The following HECW1 variants were observed in gnomAD, a reference collection of about 807,000 sequenced individuals.
The protein encoded by HECW1 is HECT, C2 and WW domain containing E3 ubiquitin protein ligase 1.
Under a neutral mutation model 182.3 loss-of-function variants are expected in HECW1, and 61 were observed. The observed-to-expected ratio is 0.33, with a 90% CI of 0.27 to 0.41. The LOEUF (loss-of-function observed/expected upper bound fraction) is 0.41, where lower values mean the gene tolerates loss of function less well. Ranked by LOEUF, HECW1 falls within the 10% of genes least tolerant of loss-of-function variation. The pLI, the probability that HECW1 is intolerant of heterozygous loss-of-function variation, is 1.00. For synonymous variants in HECW1, 859 were observed against 832.6 expected (o/e 1.03, Z -0.55); for missense variants, 1,739 against 2,108.9 (o/e 0.82, Z 3.44).
intron 26 of HECW1, among the ~76,000 whole-genome samples, chr7:43,549,056 G>A (rs1158496496): frequency 3.3e-5 from 5 of 152,276 alleles, no homozygotes; most frequent in East Asian, 1.9e-4. Flanking sequence ...GCCCAGATGC[G>A]TACAGCATCC....
At chr7:43,492,304 T>C (rs1160383409) in intron 18 of HECW1, 124 bp downstream of exon 18, 1 of 687,178 alleles carries the variant, frequency 1.5e-6, no homozygotes, top group Non-Finnish European at 2.5e-6. Flanking sequence ...CTTTCCTTTC[T>C]CCTCTTTTAG....
At chr7:43,213,439 A>ATTTCT (rs1796166140) in intron 2 of HECW1, among the ~76,000 whole-genome samples, 1 of 92,484 alleles carries the variant, frequency 1.1e-5, no homozygotes, top group Middle Eastern at 7.0e-3. Context: ...GATCATAAGA[A>ATTTCT]TTTTTTTTTT....
intron 13 of HECW1, among the ~76,000 whole-genome samples, chr7:43,459,652 C>G (rs936947873): frequency 2.0e-5 from 3 of 152,194 alleles, no homozygotes; most frequent in Admixed American, 2.0e-4. Context: ...ATTCTCCTAC[C>G]TCAGCCTCCC....
At chr7:43,389,458 G>T (rs1223177029) in intron 6 of HECW1, among the ~76,000 whole-genome samples, 2 of 152,172 alleles carry the variant, frequency 1.3e-5, no homozygotes, top group African/African-American at 2.4e-5. Context: ...TACAATGTAT[G>T]TCCTCACTTT....
intron 8 of HECW1, among the ~76,000 whole-genome samples, chr7:43,425,225 TCACA>T (rs61442575): frequency 8.1e-5 from 12 of 147,554 alleles, no homozygotes; most frequent in East Asian, 4.0e-4. Flanking sequence ...ACCAAGACAC[TCACA>T]CACACACACA....
At chr7:43,334,476 G>A (rs114774767) in intron 5 of HECW1, among the ~76,000 whole-genome samples, 9 of 152,124 alleles carry the variant, frequency 5.9e-5, no homozygotes, top group Admixed American at 3.3e-4. Context: ...TGAAAAATCC[G>A]CCAACACCCA....
chr7:43,545,689 T>C (rs989989418), intron 26 of HECW1, among the ~76,000 whole-genome samples: 2 of 152,166 alleles, frequency 1.3e-5, no homozygotes, highest in Admixed American at 6.5e-5. Flanking sequence ...GAGAACCTTA[T>C]TAAGAACATC....
intron 5 of HECW1, among the ~76,000 whole-genome samples, chr7:43,341,162 G>A (rs1172444954): frequency 1.3e-5 from 2 of 151,594 alleles, no homozygotes; most frequent in East Asian, 3.9e-4. Context: ...TCTGTCATAG[G>A]GTTGGGGGGC....
At chr7:43,275,670 C>G (rs980656188) in intron 3 of HECW1, among the ~76,000 whole-genome samples, 3 of 152,056 alleles carry the variant, frequency 2.0e-5, no homozygotes, top group Non-Finnish European at 4.4e-5. Context: ...TATCTTCCTC[C>G]ACTATTTACT....
intron 29 of HECW1, among the ~76,000 whole-genome samples, chr7:43,557,218 C>G (rs1298069478): frequency 2.0e-5 from 3 of 152,192 alleles, no homozygotes; most frequent in Non-Finnish European, 2.9e-5. Context: ...AAAGCAGACC[C>G]AGGGTGGCAT....
intron 16 of HECW1, among the ~76,000 whole-genome samples, chr7:43,478,662 G>T (rs1239702342): frequency 2.0e-5 from 3 of 151,834 alleles, no homozygotes; most frequent in African/African-American, 7.3e-5. Context: ...TGAATGTATA[G>T]AAAAGAAAAA....
At chr7:43,159,765 CTG>C (rs71533220) in intron 2 of HECW1, among the ~76,000 whole-genome samples, 2 of 101,798 alleles carry the variant, frequency 2.0e-5, no homozygotes, top group Non-Finnish European at 3.8e-5. Context: ...ACTGCAAGCT[CTG>C]CTCCCAGGTT....
rs2076988751 is a variant in HECW1, at chr7:43,444,680, A to G, written c.1508A>G (p.Glu503Gly). The G allele has an allele frequency of 6.2e-7, 1 of 1,606,298 alleles. No individual in the cohort carries two copies. Among genetic ancestry groups the G allele is most frequent in the South Asian group, 1.1e-5 (1 of 90,084 alleles). The change falls in exon 11 of 30, where the codon GAG becomes GGG. Residue 503 changes from glutamate (E) to glycine (G), a missense_variant. Glu to Gly is a moderately conservative substitution (Grantham distance 98). This residue lies in a region of HECW1 where 971 missense variants were observed against 1,029.1 expected (regional missense o/e 0.94). Transcript: ENST00000395891. This position sits in a 1 kb window ranked among gnomAD's most constrained non-coding sequence, Gnocchi z 4.3. ...TQSRAGREEE[E>G]KEQEEEGDVS... ...AGCCGGGCTGGAAGGGAAGAAGAGG[A>G]GAAGGAGCAGGAGGAGGAGGGAGAT...
chr7:43,349,240 A>G (rs973773941), intron 5 of HECW1, among the ~76,000 whole-genome samples: 3 of 151,938 alleles, frequency 2.0e-5, no homozygotes, highest in African/African-American at 7.3e-5. Flanking sequence ...CTCCATGTTG[A>G]TTAGGCCGGT....
chr7:43,493,226 A>AT, intron 19 of HECW1, 46 bp downstream of exon 19: 1 of 1,324,434 alleles, frequency 7.6e-7, no homozygotes, highest in South Asian at 1.2e-5. Context: ...CTTTCCAGCC[A>AT]TTTTTCCCGG....
chr7:43,317,057 A>G (rs937390371), intron 4 of HECW1, among the ~76,000 whole-genome samples: 11 of 151,992 alleles, frequency 7.2e-5, no homozygotes, highest in African/African-American at 2.7e-4. Context: ...ATAGGGATAA[A>G]TACTATAAGC....
At chr7:43,251,010 A>G (rs1280095818) in intron 3 of HECW1, among the ~76,000 whole-genome samples, 2 of 152,116 alleles carry the variant, frequency 1.3e-5, no homozygotes, top group African/African-American at 4.8e-5. Context: ...CCCTACAATC[A>G]TTCGTTACTT....
chr7:43,220,816 A>G (rs1301356126), intron 2 of HECW1, among the ~76,000 whole-genome samples: 1 of 152,174 alleles, frequency 6.6e-6, no homozygotes. Context: ...CCCTGGAACA[A>G]AGGAGAGAAG....
intron 5 of HECW1, among the ~76,000 whole-genome samples, chr7:43,322,173 G>A (rs921630071): frequency 5.3e-5 from 8 of 152,276 alleles, no homozygotes; most frequent in African/African-American, 1.7e-4. Context: ...GGGTTCAAGC[G>A]ATTCTGCTGA....
Sources: allele counts gnomAD v4.1 joint callset (sites outside exome capture counted in the v4.1 genomes callset), GRCh38; gene constraint gnomAD v4.1.1; regional missense constraint gnomAD v4.1.1; non-coding constraint Gnocchi (gnomAD v3.1); transcripts MANE v1.5; gene names NCBI Gene and HGNC (gene_info 2026-07-23, HGNC 2026-07-21).